Variants in POU2F3 observed in about 807,000 individuals in gnomAD.
POU2F3 encodes POU class 2 homeobox 3, also known as POU domain, class 2, transcription factor 3.
Under a neutral mutation model 59.2 loss-of-function variants are expected in POU2F3, and 23 were observed. The ratio of observed to expected loss-of-function variants is 0.39; its 90% CI spans 0.28 to 0.55. The LOEUF (loss-of-function observed/expected upper bound fraction) is 0.55, where lower values mean the gene tolerates loss of function less well. Among genes scored for constraint, POU2F3 ranks in the 20% least tolerant of loss-of-function variants. The pLI is 0.66. For missense variants in POU2F3, 473 were observed against 544.5 expected (o/e 0.87, Z 1.31); for synonymous variants, 190 against 214.6 (o/e 0.89, Z 1.00).
chr11:120,306,431 T>C (rs1941490848), intron 8 of POU2F3, among the ~76,000 whole-genome samples: 1 of 152,148 alleles, frequency 6.6e-6, no homozygotes, highest in Non-Finnish European at 1.5e-5. Flanking sequence ...ACCTTGGCAC[T>C]ATAGACATCC....
intron 2 of POU2F3, among the ~76,000 whole-genome samples, chr11:120,261,623 T>A (rs1165316240): frequency 6.6e-6 from 1 of 152,200 alleles, no homozygotes; most frequent in African/African-American, 2.4e-5. Flanking sequence ...CCCTTCTGTG[T>A]ACTTAATCTT....
chr11:120,236,683 C>G (rs774633322), upstream of POU2F3: 7 of 1,505,638 alleles, frequency 4.6e-6, no homozygotes, highest in East Asian at 7.3e-5. Flanking sequence ...CATGGAGTCT[C>G]CAAGAACTGC....
intron 10 of POU2F3, among the ~76,000 whole-genome samples, chr11:120,314,748 A>T (rs1218876457): frequency 1.3e-5 from 2 of 152,160 alleles, no homozygotes; most frequent in East Asian, 3.8e-4. Flanking sequence ...ATGGGAGGGT[A>T]AACAAAGTTA....
At chr11:120,290,396 C>T (rs1410952288) in intron 3 of POU2F3, among the ~76,000 whole-genome samples, 2 of 152,160 alleles carry the variant, frequency 1.3e-5, no homozygotes, top group African/African-American at 4.8e-5. Flanking sequence ...GTGCACCATA[C>T]ATAAAAGCAA....
At chr11:120,279,756 A>G (rs1399171040) in intron 3 of POU2F3, among the ~76,000 whole-genome samples, 1 of 152,170 alleles carries the variant, frequency 6.6e-6, no homozygotes, top group African/African-American at 2.4e-5. Flanking sequence ...CAAGCCCCAT[A>G]ATGAACAGCA....
chr11:120,284,076 G>T (rs1384525654), intron 3 of POU2F3, among the ~76,000 whole-genome samples: 1 of 152,132 alleles, frequency 6.6e-6, no homozygotes, highest in African/African-American at 2.4e-5. Context: ...CTACTTGGGA[G>T]GCTGAGGCAG....
intron 2 of POU2F3, among the ~76,000 whole-genome samples, chr11:120,250,722 T>C (rs542092127): frequency 1.1e-4 from 16 of 152,292 alleles, no homozygotes; most frequent in African/African-American, 1.4e-4. Context: ...ATGCCTGTAA[T>C]CCCAGCACTT....
intron 10 of POU2F3, among the ~76,000 whole-genome samples, 178 bp downstream of exon 10, chr11:120,309,764 C>A (rs548190215): frequency 6.6e-6 from 1 of 152,242 alleles, no homozygotes; most frequent in Non-Finnish European, 1.5e-5. Flanking sequence ...GGGAGATACT[C>A]TTTCAGTAGA....
chr11:120,295,906 A>C (rs1328435924), intron 3 of POU2F3, among the ~76,000 whole-genome samples: 1 of 152,142 alleles, frequency 6.6e-6, no homozygotes, highest in African/African-American at 2.4e-5. Flanking sequence ...ATGATTTCCA[A>C]AGACTGTCCC....
intron 2 of POU2F3, among the ~76,000 whole-genome samples, chr11:120,263,459 G>T (rs898886219): frequency 2.6e-5 from 4 of 152,188 alleles, no homozygotes; most frequent in African/African-American, 7.2e-5. Flanking sequence ...TCCTGATTCT[G>T]TGGTCTACTT....
intron 1 of POU2F3, 31 bp from the exon 2 acceptor site, chr11:120,246,418 G>A (rs572385493): frequency 2.5e-5 from 41 of 1,611,204 alleles, no homozygotes; most frequent in Non-Finnish European, 3.3e-5. Context: ...ATTGTGACCT[G>A]TTATTAAAAT....
chr11:120,261,802 A>G (rs1939613141), intron 2 of POU2F3, among the ~76,000 whole-genome samples: 1 of 152,226 alleles, frequency 6.6e-6, no homozygotes, highest in Non-Finnish European at 1.5e-5. Flanking sequence ...ACTTCAGCAG[A>G]TGGAGGGAAT....
At chr11:120,309,342 T>C (rs1941591091) in intron 9 of POU2F3, 83 bp from the exon 10 acceptor site, 1 of 1,397,546 alleles carries the variant, frequency 7.2e-7, no homozygotes. Context: ...CCATGTATAG[T>C]TGTATCCTGT....
intron 11 of POU2F3, 99 bp downstream of exon 11, chr11:120,315,526 T>C (rs1941762308): frequency 8.8e-7 from 1 of 1,136,722 alleles, no homozygotes; most frequent in Admixed American, 2.0e-5. Flanking sequence ...CTTCCCTAAA[T>C]GCATTTCAAA....
chr11:120,240,716 A>G (rs1342118593), intron 1 of POU2F3, among the ~76,000 whole-genome samples: 2 of 152,166 alleles, frequency 1.3e-5, no homozygotes, highest in Non-Finnish European at 2.9e-5. Flanking sequence ...TCACTCAGCC[A>G]GGGGTGTGGA....
intron 3 of POU2F3, among the ~76,000 whole-genome samples, chr11:120,295,908 G>C (rs1941181015): frequency 6.6e-6 from 1 of 152,176 alleles, no homozygotes; most frequent in African/African-American, 2.4e-5. Flanking sequence ...GATTTCCAAA[G>C]ACTGTCCCTG....
chr11:120,299,702 T>C lies in POU2F3; in HGVS notation c.337T>C (p.Ser113Pro), dbSNP rs776978837. 2 of 1,613,390 alleles carry C rather than the reference T, an allele frequency of 1.2e-6. No individual in the cohort carries two copies. Among genetic ancestry groups the C allele is most frequent in the Non-Finnish European group, 1.7e-6 (2 of 1,179,968 alleles). Residue 113 changes from serine (S) to proline (P), a missense_variant, in exon 5 of 13, where the codon TCT becomes CCT. Coordinates refer to ENST00000543440, the MANE Select transcript of POU2F3 (RefSeq NM_014352.4). ...ACAGTCTGTATCCCAGTTCCTGCTATCTCAGACCCAGCCTGGGCAGCAAGG... is the reference window on the plus strand; with the variant it reads ...ACAGTCTGTATCCCAGTTCCTGCTACCTCAGACCCAGCCTGGGCAGCAAGG... ...HLQSVSQFLLSQTQPGQQGLQ... is the reference protein window; with the variant it reads ...HLQSVSQFLLPQTQPGQQGLQ...
chr11:120,263,353 T>C (rs1939687037), intron 2 of POU2F3, among the ~76,000 whole-genome samples: 1 of 152,194 alleles, frequency 6.6e-6, no homozygotes, highest in Non-Finnish European at 1.5e-5. Flanking sequence ...ATATAGTTGA[T>C]TTTTTTAGCC....
intron 3 of POU2F3, among the ~76,000 whole-genome samples, chr11:120,272,115 C>T (rs983990389): frequency 6.6e-6 from 1 of 152,154 alleles, no homozygotes; most frequent in East Asian, 1.9e-4. Flanking sequence ...CGGGGCAAGG[C>T]GCTTCTGGCA....
Sources: gnomAD v4.1 joint callset for allele counts (sites outside exome capture counted in the v4.1 genomes callset) on GRCh38, gnomAD v4.1.1 for gene constraint, MANE v1.5 for transcripts, NCBI Gene and HGNC (gene_info 2026-07-23, HGNC 2026-07-21) for gene names.